GRID2: variants seen among roughly 807,000 people sequenced by gnomAD.
GRID2 encodes the protein glutamate ionotropic receptor delta type subunit 2, also known as glutamate receptor ionotropic, delta-2.
In GRID2, 33 loss-of-function variants were observed where a neutral mutation model predicts 114.8. That is an observed-to-expected ratio of 0.29 (90% CI 0.22 to 0.38). The LOEUF (loss-of-function observed/expected upper bound fraction) is 0.38, where lower values mean the gene tolerates loss of function less well. Among genes scored for constraint, GRID2 ranks in the 10% least tolerant of loss-of-function variants. GRID2 has a pLI of 1.00. For missense variants in GRID2, 1,184 were observed against 1,257.7 expected (o/e 0.94, Z 0.89); for synonymous variants, 505 against 449.9 (o/e 1.12, Z -1.55).
intron 2 of GRID2, among the ~76,000 whole-genome samples, chr4:92,591,596 G>A (rs1047393614): frequency 6.6e-5 from 10 of 152,004 alleles, no homozygotes; most frequent in African/African-American, 2.4e-4. Flanking sequence ...AAAGAGTAAG[G>A]AAAATAAAAG....
chr4:92,932,745 C>T (rs149140498), intron 2 of GRID2, among the ~76,000 whole-genome samples: 5 of 151,272 alleles, frequency 3.3e-5, no homozygotes, highest in Admixed American at 1.3e-4. Flanking sequence ...GCAACAAAAA[C>T]GAATGCAGGC....
At chr4:93,098,839 G>A (rs952477309) in intron 3 of GRID2, among the ~76,000 whole-genome samples, 1 of 151,824 alleles carries the variant, frequency 6.6e-6, no homozygotes, top group Non-Finnish European at 1.5e-5. Context: ...AATGATGCAG[G>A]TACATGAACT....
intron 13 of GRID2, among the ~76,000 whole-genome samples, chr4:93,612,604 GA>G (rs1186659969): frequency 4.2e-4 from 41 of 96,754 alleles, no homozygotes; most frequent in African/African-American, 1.5e-3. Flanking sequence ...ATTCTGGGTT[GA>G]AAATTCTTTT....
chr4:92,918,225 T>C (rs904180503), intron 2 of GRID2, among the ~76,000 whole-genome samples: 5 of 152,216 alleles, frequency 3.3e-5, no homozygotes, highest in African/African-American at 1.2e-4. Flanking sequence ...TTGATGAGGT[T>C]GCCTATCAGC....
chr4:93,748,048 C>T (rs969639059), intron 14 of GRID2, among the ~76,000 whole-genome samples: 3 of 151,786 alleles, frequency 2.0e-5, no homozygotes, highest in Non-Finnish European at 2.9e-5. Context: ...TAAGGAAATT[C>T]GATAAACATT....
intron 4 of GRID2, among the ~76,000 whole-genome samples, chr4:93,196,841 A>G (rs886397222): frequency 2.0e-5 from 3 of 152,138 alleles, no homozygotes; most frequent in Non-Finnish European, 2.9e-5. Context: ...ACAGTAACAG[A>G]TAACTGTTTC....
At chr4:92,997,014 C>T (rs751127869) in intron 2 of GRID2, among the ~76,000 whole-genome samples, 3 of 152,140 alleles carry the variant, frequency 2.0e-5, no homozygotes, top group South Asian at 2.1e-4. Flanking sequence ...ATCCATCATA[C>T]GTTAGGTACC....
intron 2 of GRID2, among the ~76,000 whole-genome samples, chr4:92,696,714 G>A (rs1232748124): frequency 1.3e-5 from 2 of 152,068 alleles, no homozygotes; most frequent in East Asian, 1.9e-4. Context: ...GCTGTAGAGA[G>A]GGGTATGATT....
intron 8 of GRID2, among the ~76,000 whole-genome samples, chr4:93,286,906 AG>A (rs1198132392): frequency 6.6e-6 from 1 of 152,160 alleles, no homozygotes; most frequent in Admixed American, 6.6e-5. Flanking sequence ...ATATCTATAT[AG>A]AAAAATTAGA....
intron 2 of GRID2, among the ~76,000 whole-genome samples, chr4:92,665,183 TC>T (rs1338384482): frequency 1.3e-5 from 2 of 150,950 alleles, no homozygotes; most frequent in African/African-American, 4.8e-5. Context: ...TATTTCCTTT[TC>T]TGTGTATCCT....
intron 2 of GRID2, among the ~76,000 whole-genome samples, chr4:92,746,427 C>T (rs1255612817): frequency 6.6e-6 from 1 of 151,964 alleles, no homozygotes; most frequent in East Asian, 1.9e-4. Flanking sequence ...AAAGCCAGAC[C>T]ATCTAGAGGT....
In GRID2 at chr4:93,653,358, C is replaced by A. The variant is rs148651182; in HGVS notation, c.2360+26923C>A. Among the ~76,000 whole-genome samples the A allele has an allele frequency of 2.0e-5, 3 of 152,290 alleles. No individual in the cohort carries two copies. In the East Asian group the frequency reaches 5.8e-4, roughly 29 times the overall value. ...TTAGTTAATATATTTGGCAACTTCT[C>A]CTAAGGCACCTGCCAACTCCAGTGT... On this transcript the variant is annotated intron_variant, in intron 14 of 15. Transcript: ENST00000282020.
chr4:92,606,370 T>C (rs376867989), intron 2 of GRID2, among the ~76,000 whole-genome samples: 2 of 152,038 alleles, frequency 1.3e-5, no homozygotes, highest in East Asian at 3.9e-4. Context: ...CTGGGTTAGG[T>C]TAACTTATTA....
intron 2 of GRID2, among the ~76,000 whole-genome samples, chr4:92,750,714 A>G (rs1737409511): frequency 6.6e-6 from 1 of 152,210 alleles, no homozygotes; most frequent in Non-Finnish European, 1.5e-5. Context: ...AAAGTGTTTG[A>G]AGGAGTGTCT....
chr4:93,574,181 A>G (rs1736197046), intron 13 of GRID2, among the ~76,000 whole-genome samples: 1 of 152,154 alleles, frequency 6.6e-6, no homozygotes, highest in African/African-American at 2.4e-5. Context: ...ATTGAATTGT[A>G]CTTCCTCCAG....
chr4:93,675,917 C>T (rs1724814915), intron 14 of GRID2, among the ~76,000 whole-genome samples: 1 of 152,194 alleles, frequency 6.6e-6, no homozygotes, highest in Non-Finnish European at 1.5e-5. Context: ...AAACAATTTT[C>T]ACGCGTCACT....
intron 2 of GRID2, among the ~76,000 whole-genome samples, chr4:92,965,788 CAA>C (rs911545284): frequency 8.6e-5 from 13 of 151,806 alleles, no homozygotes; most frequent in African/African-American, 3.1e-4. Flanking sequence ...ATTTAAAACT[CAA>C]ATGTTTAAAT....
chr4:93,018,549 T>C (rs1722987529), intron 2 of GRID2, among the ~76,000 whole-genome samples: 1 of 152,118 alleles, frequency 6.6e-6, no homozygotes, highest in Non-Finnish European at 1.5e-5. Flanking sequence ...ATCAATTCCA[T>C]TTTAAGAGCA....
intron 1 of GRID2, among the ~76,000 whole-genome samples, chr4:92,420,748 G>A (rs1731863164): frequency 6.6e-6 from 1 of 152,150 alleles, no homozygotes; most frequent in South Asian, 2.1e-4. Context: ...GTAGTGGTGT[G>A]ATCTCAGCTC....
Sources: gnomAD v4.1 joint callset for allele counts (sites outside exome capture counted in the v4.1 genomes callset) on GRCh38, gnomAD v4.1.1 for gene constraint, MANE v1.5 for transcripts, NCBI Gene and HGNC (gene_info 2026-07-23, HGNC 2026-07-21) for gene names.